STX18: variants seen among roughly 807,000 people sequenced by gnomAD.
STX18 encodes the protein syntaxin-18.
STX18 carries 40 observed loss-of-function variants against 50.1 expected under a neutral mutation model. That is an observed-to-expected ratio of 0.80 (90% CI 0.62 to 1.04). STX18 has a LOEUF of 1.04. Among genes scored for constraint, STX18 ranks in the 50% least tolerant of loss-of-function variants. The probability of loss-of-function intolerance (pLI) is 0.00; values close to 1 mark genes in which losing one functional copy is unlikely to be tolerated. For missense variants in STX18, 410 were observed against 415.8 expected, an observed-to-expected ratio of 0.99 and a Z score of 0.12; for synonymous variants, 158 against 151.8, an observed-to-expected ratio of 1.04 and a Z score of -0.30.
At chr4:4,430,769 C>T (rs531441731) in intron 7 of STX18, among the ~76,000 whole-genome samples, 2 of 152,320 alleles carry the variant, frequency 1.3e-5, no homozygotes, top group Admixed American at 1.3e-4. Flanking sequence ...ACCATTTGCT[C>T]TGCCCTGCCC....
At chr4:4,532,999 C>CCCGGGAGGCGGAGCTTGCAGTGAGCCGAG in intron 1 of STX18, among the ~76,000 whole-genome samples, 1 of 152,108 alleles carries the variant, frequency 6.6e-6, no homozygotes. Flanking sequence ...GACAAACAGA[C>CCCGGGAGGCGGAGCTTGCAGTGAGCCGAG]ATATGTTAGA....
At position 4,457,497 on chromosome 4, in the gene STX18, T is replaced by G. The variant is rs200389671; in HGVS notation, c.356A>C (p.His119Pro). ...CACTTGCTGGGAATGTATCTCCTTG[T>G]GAGCTGTAACAGAAAAAGACAATGT... ...EAIQQLRTEA[H>P]KEIHSQQVKE... The change falls in exon 4 of 11, where the codon CAC becomes CCC. Residue 119 changes from histidine (H) to proline (P), a missense_variant. Physicochemically the swap from His to Pro is moderately conservative, Grantham distance 77 (BLOSUM62 -2). Transcript: ENST00000306200. 1.2e-5 allele frequency: 19 copies of G among 1,612,956 alleles called. No homozygotes were observed. Among genetic ancestry groups the G allele is most frequent in the Non-Finnish European group, 1.6e-5 (19 of 1,179,256 alleles).
At chr4:4,505,448 C>G (rs947259400) in intron 1 of STX18, among the ~76,000 whole-genome samples, 1 of 152,086 alleles carries the variant, frequency 6.6e-6, no homozygotes. Flanking sequence ...AGTGTCATAC[C>G]GCACATTGCT....
chr4:4,468,225 G>A (rs956751644), intron 2 of STX18, among the ~76,000 whole-genome samples: 3 of 151,836 alleles, frequency 2.0e-5, no homozygotes, highest in Admixed American at 6.6e-5. Flanking sequence ...GCCTTGAAAC[G>A]TACTTTCTCT....
intron 1 of STX18, among the ~76,000 whole-genome samples, chr4:4,495,226 A>G (rs1729114129): frequency 1.3e-5 from 2 of 152,242 alleles, no homozygotes; most frequent in African/African-American, 4.8e-5. Context: ...CAAAGGGCCT[A>G]GAAAAGTGCC....
intron 5 of STX18, among the ~76,000 whole-genome samples, chr4:4,442,117 T>C (rs1029873395): frequency 7.2e-5 from 11 of 152,096 alleles, no homozygotes; most frequent in African/African-American, 1.9e-4. Context: ...CATGAAAAGA[T>C]TGACAGACCA....
chr4:4,526,103 T>C (rs189273830), intron 1 of STX18, among the ~76,000 whole-genome samples: 224 of 152,222 alleles, frequency 1.5e-3, no homozygotes, highest in African/African-American at 5.2e-3. Flanking sequence ...CTGAGAATCT[T>C]TGCGTGGAGA....
At chr4:4,514,290 C>T (rs1560204000) in intron 1 of STX18, among the ~76,000 whole-genome samples, 1 of 152,276 alleles carries the variant, frequency 6.6e-6, no homozygotes, top group East Asian at 1.9e-4. Context: ...ATAAGTAAAG[C>T]TATCAACTTG....
chr4:4,504,763 C>T (rs1331851372), intron 1 of STX18, among the ~76,000 whole-genome samples: 2 of 152,126 alleles, frequency 1.3e-5, no homozygotes, highest in Admixed American at 6.5e-5. Context: ...TATCACTACA[C>T]ACCTATTAAA....
chr4:4,484,148 C>G (rs1056955214), intron 1 of STX18, among the ~76,000 whole-genome samples: 1 of 152,100 alleles, frequency 6.6e-6, no homozygotes, highest in Admixed American at 6.5e-5. Flanking sequence ...AGGTGTGAGC[C>G]ACCGTGCCCG....
At chr4:4,432,807 A>C (rs1214121075) in intron 7 of STX18, among the ~76,000 whole-genome samples, 1 of 152,274 alleles carries the variant, frequency 6.6e-6, no homozygotes, top group Non-Finnish European at 1.5e-5. Flanking sequence ...ATGGAGAAGA[A>C]ACAGGAAGTC....
chr4:4,518,903 A>G (rs891287245), intron 1 of STX18, among the ~76,000 whole-genome samples: 93 of 152,190 alleles, frequency 6.1e-4, no homozygotes, highest in African/African-American at 2.2e-3. Flanking sequence ...GAAAGCCTGG[A>G]AAGATTTCTT....
chr4:4,531,137 G>A (rs1302249593), intron 1 of STX18, among the ~76,000 whole-genome samples: 2 of 143,308 alleles, frequency 1.4e-5, no homozygotes, highest in South Asian at 4.5e-4. Context: ...CACATCCTTT[G>A]GCATGGATAA....
At chr4:4,464,874 C>T (rs1337013761) in intron 2 of STX18, among the ~76,000 whole-genome samples, 2 of 151,420 alleles carry the variant, frequency 1.3e-5, no homozygotes, top group Non-Finnish European at 2.9e-5. Context: ...AAAAAAGTGG[C>T]TCCTGGATTC....
At chr4:4,532,580 A>G (rs976427069) in intron 1 of STX18, among the ~76,000 whole-genome samples, 3 of 152,182 alleles carry the variant, frequency 2.0e-5, no homozygotes, top group Non-Finnish European at 4.4e-5. Context: ...CTTTCAGATA[A>G]AGAGTACTGA....
In STX18 at chr4:4,513,520, C is replaced by T. The variant is rs189130993; in HGVS notation, c.168+28277G>A. 4.3e-3 allele frequency among the ~76,000 whole-genome samples: 660 copies of T among 152,302 alleles called. 3 individuals are homozygous for T. Among genetic ancestry groups the T allele is most frequent in the African/African-American group, 0.015 (620 of 41,568 alleles). On this transcript the variant is annotated intron_variant, in intron 1 of 10. Transcript: ENST00000306200. Reference sequence around the variant, plus strand: ...AGTCATCTAATGGTCATGGCCCTCACTGCTCTGTTCTTGGATCTTATGGTT... The same window carrying T: ...AGTCATCTAATGGTCATGGCCCTCATTGCTCTGTTCTTGGATCTTATGGTT...
intron 1 of STX18, among the ~76,000 whole-genome samples, chr4:4,516,811 T>A (rs1730288887): frequency 6.6e-6 from 1 of 152,192 alleles, no homozygotes. Flanking sequence ...TAACATTTTG[T>A]ATCACTTGCA....
rs200061902 is a variant in STX18 at position 4,541,804 on chromosome 4, C to T, written c.161G>A (p.Arg54His). The T allele has an allele frequency of 5.3e-5, 85 of 1,607,796 alleles. No homozygotes were observed. The East Asian group carries it at 1.4e-3, about 27-fold the overall frequency. ...RPKGDFSSRA[R>H]EVISHIGKLR... ...CCATAGCAACCAGCTCACCACTTCGCGGGCCCGGCTGGAGAAGTCGCCCTT... is the reference window on the plus strand; with the variant it reads ...CCATAGCAACCAGCTCACCACTTCGTGGGCCCGGCTGGAGAAGTCGCCCTT... Residue 54 changes from arginine to histidine, a missense_variant, in exon 1 of 11, where the codon CGC (arginine) becomes CAC (histidine). Arg to His is a conservative substitution (Grantham distance 29). Coordinates refer to ENST00000306200, the MANE Select transcript of STX18 (RefSeq NM_016930.4).
At chr4:4,426,306 T>C (rs930916005) in intron 7 of STX18, 4 of 152,226 alleles carry the variant, frequency 2.6e-5, no homozygotes, top group Admixed American at 6.5e-5. Context: ...TTCTTTCTTA[T>C]AGATTAAAGC....
Sources: allele counts gnomAD v4.1 joint callset (sites outside exome capture counted in the v4.1 genomes callset), GRCh38; gene constraint gnomAD v4.1.1; transcripts MANE v1.5; gene names NCBI Gene and HGNC (gene_info 2026-07-23, HGNC 2026-07-21).